PCDHGA3: variants seen among roughly 807,000 people sequenced by gnomAD.
PCDHGA3 encodes the protein protocadherin gamma-A3.
Under a neutral mutation model 58.5 loss-of-function variants are expected in PCDHGA3, and 40 were observed. The ratio of observed to expected loss-of-function variants is 0.68; its 90% CI spans 0.53 to 0.89. PCDHGA3 has a LOEUF of 0.89. Among genes scored for constraint, PCDHGA3 ranks in the 40% least tolerant of loss-of-function variants. The pLI, the probability that PCDHGA3 is intolerant of heterozygous loss-of-function variation, is 0.00. For missense variants in PCDHGA3, 1,223 were observed against 1,195.9 expected (o/e 1.02, Z -0.33); for synonymous variants, 530 against 525.7 (o/e 1.01, Z -0.11).
chr5:141,399,708 A>G lies in PCDHGA3; in HGVS notation c.2424+53251A>G, dbSNP rs769072460. On this transcript the variant is annotated intron_variant, in intron 1 of 3. Transcript: ENST00000253812. ...AGCAGCTGCGCACCTTCGAACTCAC[A>G]CTACAGGCCCGCGACCAGGGCTCGC... 5.6e-6 allele frequency: 9 copies of G among 1,613,256 alleles called. No homozygotes were observed. In the African/African-American group the frequency reaches 8.0e-5, roughly 14 times the overall value.
In PCDHGA3 at chr5:141,476,335, C is replaced by A; in HGVS notation, c.2425-18472C>A. On this transcript the variant is annotated intron_variant, in intron 1 of 3. Coordinates refer to ENST00000253812, the MANE Select transcript of PCDHGA3 (RefSeq NM_018916.4). The surrounding 1 kb of genome is among the most constrained non-coding windows in gnomAD (Gnocchi z 7.6). Reference sequence around the variant, plus strand: ...GGTTCCGGGTGGTGTCTGGAGCTAGCCGAAGATTCTTTGAGGTGAACCGGG... The same window carrying A: ...GGTTCCGGGTGGTGTCTGGAGCTAGACGAAGATTCTTTGAGGTGAACCGGG... 2 of 1,614,120 alleles carry A rather than the reference C, an allele frequency of 1.2e-6. No individual in the cohort carries two copies. Among genetic ancestry groups the A allele is most frequent in the Non-Finnish European group, 1.7e-6 (2 of 1,180,026 alleles).
chr5:141,494,306 T>G (rs1432951954), intron 1 of PCDHGA3, among the ~76,000 whole-genome samples: 1 of 152,212 alleles, frequency 6.6e-6, no homozygotes, highest in Non-Finnish European at 1.5e-5. Flanking sequence ...AATGTGTCAC[T>G]GCACAACCTG....
At chr5:141,377,773 A>G (rs987234769) in intron 1 of PCDHGA3, 4 of 152,220 alleles carry the variant, frequency 2.6e-5, no homozygotes, top group Admixed American at 6.5e-5. Flanking sequence ...TTTGGTGTTA[A>G]AAGACCTGAA....
At chr5:141,391,345 G>C (rs1233916830) in intron 1 of PCDHGA3, 1 of 139,580 alleles carries the variant, frequency 7.2e-6, no homozygotes, top group Admixed American at 7.6e-5. Context: ...CAGAGTCTCT[G>C]TCTGTTACTC....
At chr5:141,392,633 A>T (rs2092567816) in intron 1 of PCDHGA3, 1 of 610,728 alleles carries the variant, frequency 1.6e-6, no homozygotes, top group African/African-American at 1.9e-5. Flanking sequence ...CTCAGATCTC[A>T]CACCTCACGA....
In PCDHGA3 at chr5:141,477,250, C is replaced by G; in HGVS notation, c.2425-17557C>G. 6.2e-7 allele frequency: 1 copy of G among 1,614,190 alleles called. No homozygotes were observed. The highest frequency in any genetic ancestry group is 8.5e-7 in the Non-Finnish European group (1 of 1,180,040). On this transcript the variant is annotated intron_variant, in intron 1 of 3. Coordinates refer to ENST00000253812, the MANE Select transcript of PCDHGA3 (RefSeq NM_018916.4). The surrounding 1 kb of genome is among the most constrained non-coding windows in gnomAD (Gnocchi z 4.9). ...TCATCGCTTTGCTCAGTGTGACTGA[C>G]CTGGATGCTGGCGAGAACGGGCTGG...
At position 141,446,758 on chromosome 5, in the gene PCDHGA3, C is replaced by T. The variant is rs776925316; in HGVS notation, c.2425-48049C>T. Among the ~76,000 whole-genome samples, 10 of 152,208 alleles carry T rather than the reference C, an allele frequency of 6.6e-5. 1 individual carries two copies. Among genetic ancestry groups the T allele is most frequent in the African/African-American group, 9.7e-5 (4 of 41,448 alleles). On this transcript the variant is annotated intron_variant, in intron 1 of 3. Transcript: ENST00000253812. ...TGGGGATTACAGGCGTGAGCCACCG[C>T]GCCCAGCCGGTTACCATTCTTTTAC...
At chr5:141,364,811 G>A (rs1239930592) in intron 1 of PCDHGA3, 1 of 1,613,902 alleles carries the variant, frequency 6.2e-7, no homozygotes, top group Non-Finnish European at 8.5e-7. Context: ...GCGGGATGCG[G>A]ATGTGGGTGT....
At position 141,351,467 on chromosome 5, in the gene PCDHGA3, G is replaced by T. The variant is rs774231320; in HGVS notation, c.2424+5010G>T. ...GAAGAATTATTACAAGCTGGTGATT[G>T]CTGGAGCCCTAAACCGGGAGCAGAC... On this transcript the variant is annotated intron_variant, in intron 1 of 3. Coordinates refer to ENST00000253812, the MANE Select transcript of PCDHGA3 (RefSeq NM_018916.4). The T allele has an allele frequency of 6.2e-6, 10 of 1,613,546 alleles. No homozygotes were observed. The East Asian group carries it at 1.8e-4, about 29-fold the overall frequency.
At chr5:141,398,923 G>A in intron 1 of PCDHGA3, 1 of 1,613,978 alleles carries the variant, frequency 6.2e-7, no homozygotes, top group Non-Finnish European at 8.5e-7. Context: ...GCAAGTGTCA[G>A]CCACTGACCA....
chr5:141,372,537 C>A lies in PCDHGA3; in HGVS notation c.2424+26080C>A, dbSNP rs138338803. 3.0e-3 allele frequency: 4,858 copies of A among 1,614,046 alleles called. 5 individuals carry two copies. The highest frequency in any genetic ancestry group is 4.8e-3 in the Admixed American group (290 of 60,038). On this transcript the variant is annotated intron_variant, in intron 1 of 3. Coordinates refer to ENST00000253812, the MANE Select transcript of PCDHGA3 (RefSeq NM_018916.4). The stretch of plus-strand genomic sequence containing the variant: ...GGTGATTCTGGCAATCTCCCTGCGC[C>A]TGCGATGCTCCTCCAGACCCGCCAC...
rs940192993 is a variant in PCDHGA3 at position 141,346,230 on chromosome 5, G to A, written c.2197G>A (p.Ala733Thr). 9.3e-6 allele frequency: 15 copies of A among 1,614,028 alleles called. No individual in the cohort carries two copies. The African/African-American group carries it at 9.3e-5, about 10-fold the overall frequency. Residue 733 changes from alanine (A) to threonine (T), a missense_variant, in exon 1 of 4, where the codon GCG (alanine) becomes ACG (threonine). Ala to Thr is a moderately conservative substitution (Grantham distance 58). Around this residue, in one of 3 missense-constraint regions of PCDHGA3, gnomAD observed 325 missense variants for 327.5 expected, o/e 0.99. Coordinates refer to ENST00000253812, the MANE Select transcript of PCDHGA3 (RefSeq NM_018916.4). ...RLLQASGGGL[A>T]STPGSHFVGA... Reference sequence around the variant, plus strand: ...GCTGCAGGCTTCGGGAGGCGGCTTGGCGAGTACGCCCGGCTCGCACTTTGT... The same window carrying A: ...GCTGCAGGCTTCGGGAGGCGGCTTGACGAGTACGCCCGGCTCGCACTTTGT...
intron 1 of PCDHGA3, among the ~76,000 whole-genome samples, chr5:141,429,654 T>C (rs1373502548): frequency 6.6e-6 from 1 of 152,232 alleles, no homozygotes; most frequent in Non-Finnish European, 1.5e-5. Context: ...TTCTTCCCAA[T>C]TTAAAATATA....
In PCDHGA3 at chr5:141,487,579, A is replaced by G. The variant is rs779441421; in HGVS notation, c.2425-7228A>G. 60 of 1,614,022 alleles carry G rather than the reference A, an allele frequency of 3.7e-5. No homozygotes were observed. The South Asian group carries it at 6.0e-4, about 16-fold the overall frequency. The stretch of plus-strand genomic sequence containing the variant: ...CTATGGCAGGGGAGCCTGTTCGCCC[A>G]AGCTGCCCACCCTCTGATCTTCTCT... On this transcript the variant is annotated intron_variant, in intron 1 of 3. Transcript: ENST00000253812. This position sits in a 1 kb window ranked among gnomAD's most constrained non-coding sequence, Gnocchi z 5.0.
intron 1 of PCDHGA3, chr5:141,374,957 TTC>T (rs1770979960): frequency 6.2e-7 from 1 of 1,613,926 alleles, no homozygotes; most frequent in Non-Finnish European, 8.5e-7. Context: ...CTCACAAATT[TTC>T]TGTTTGAATG....
chr5:141,376,761 A>G (rs1179580742), intron 1 of PCDHGA3: 1 of 431,306 alleles, frequency 2.3e-6, no homozygotes, highest in African/African-American at 2.3e-5. Flanking sequence ...ATCTCGGCTC[A>G]CTGCAAGCTC....
chr5:141,364,772 G>T (rs764374918), intron 1 of PCDHGA3: 17 of 1,613,860 alleles, frequency 1.1e-5, no homozygotes, highest in African/African-American at 2.7e-5. Context: ...AAATGCGGCT[G>T]CAGGGACACG....
In PCDHGA3 at chr5:141,383,069, G is replaced by T; in HGVS notation, c.2424+36612G>T. ...GCCAAGGACCTGGGGCTGGAGCCCC[G>T]GGAGCTGGCGGAGCGCGGAGTCCGC... On this transcript the variant is annotated intron_variant, in intron 1 of 3. Coordinates refer to ENST00000253812, the MANE Select transcript of PCDHGA3 (RefSeq NM_018916.4). The T allele has an allele frequency of 6.2e-7, 1 of 1,613,886 alleles. No homozygotes were observed. The highest frequency in any genetic ancestry group is 8.5e-7 in the Non-Finnish European group (1 of 1,179,902).
At position 141,460,491 on chromosome 5, in the gene PCDHGA3, A is replaced by G. The variant is rs544539917; in HGVS notation, c.2425-34316A>G. Among the ~76,000 whole-genome samples, 240 of 152,272 alleles carry G rather than the reference A, an allele frequency of 1.6e-3. 1 individual carries two copies. Among genetic ancestry groups the G allele is most frequent in the Non-Finnish European group, 2.6e-3 (177 of 68,014 alleles). On this transcript the variant is annotated intron_variant, in intron 1 of 3. Transcript: ENST00000253812. ...AAGGAATATCCAATTGTCTCTTTGG[A>G]AAAATATGCTGAGAAGGCTATCTTT...
Sources: allele counts gnomAD v4.1 joint callset (sites outside exome capture counted in the v4.1 genomes callset), GRCh38; gene constraint gnomAD v4.1.1; regional missense constraint gnomAD v4.1.1; non-coding constraint Gnocchi (gnomAD v3.1); transcripts MANE v1.5; gene names NCBI Gene and HGNC (gene_info 2026-07-23, HGNC 2026-07-21).